The following TEX11 variants were observed in gnomAD, a reference collection of about 807,000 sequenced individuals.
TEX11 encodes testis-expressed protein 11.
Under a neutral mutation model 84.4 loss-of-function variants are expected in TEX11, and 7 were observed. That is an observed-to-expected ratio of 0.08 (90% CI 0.05 to 0.16). The LOEUF (loss-of-function observed/expected upper bound fraction) is 0.16, where lower values mean the gene tolerates loss of function less well. Among genes scored for constraint, TEX11 ranks in the 10% least tolerant of loss-of-function variants. The pLI is 1.00. For missense variants in TEX11, 551 were observed against 660.5 expected, an observed-to-expected ratio of 0.83 and a Z score of 1.82; for synonymous variants, 264 against 222.8, an observed-to-expected ratio of 1.18 and a Z score of -1.64.
intron 11 of TEX11, among the ~76,000 whole-genome samples, chrX:70,733,797 T>C (rs2090673852): frequency 9.0e-6 from 1 of 111,670 alleles, no homozygotes; most frequent in East Asian, 2.8e-4. Context: ...AGCCATCCCA[T>C]TACTGGGTAT....
intron 13 of TEX11, among the ~76,000 whole-genome samples, chrX:70,708,169 T>C (rs2090393667): frequency 9.0e-6 from 1 of 110,886 alleles, no homozygotes; most frequent in Admixed American, 9.6e-5. Flanking sequence ...AAAGAAGATA[T>C]ACAAGCTGCC....
At chrX:70,564,911 T>A (rs2088437715) in intron 25 of TEX11, among the ~76,000 whole-genome samples, 4 of 109,909 alleles carry the variant, frequency 3.6e-5, no homozygotes, top group Admixed American at 2.9e-4. Context: ...GTCCTTTGGG[T>A]ATATACCCAG....
chrX:70,811,382 T>A (rs933062644), intron 8 of TEX11, among the ~76,000 whole-genome samples: 3 of 112,034 alleles, frequency 2.7e-5, no homozygotes, highest in Non-Finnish European at 5.6e-5. Flanking sequence ...TGCATAGTAT[T>A]TCATGGTGTA....
intron 20 of TEX11, among the ~76,000 whole-genome samples, chrX:70,621,561 TATATATATATATATATAA>T (rs1175370460): frequency 2.5e-5 from 1 of 40,363 alleles, no homozygotes; most frequent in African/African-American, 8.5e-5. Flanking sequence ...AATATATATA[TATATATATATATATATAA>T]ATAAAAATAA....
At chrX:70,548,358 T>C in intron 28 of TEX11, among the ~76,000 whole-genome samples, 2 of 110,235 alleles carry the variant, frequency 1.8e-5, no homozygotes, top group Middle Eastern at 4.7e-3. Context: ...ACATGGCACA[T>C]GTATACATAT....
At chrX:70,718,656 C>G (rs1446601079) in intron 13 of TEX11, among the ~76,000 whole-genome samples, 2 of 111,892 alleles carry the variant, frequency 1.8e-5, no homozygotes, top group African/African-American at 6.5e-5. Context: ...GACATAAATG[C>G]TGCACTACAT....
rs757760270 is a variant in TEX11, at chrX:70,554,675, T to C, written c.2266A>G (p.Thr756Ala). 1.2e-5 allele frequency: 14 copies of C among 1,200,841 alleles called. No homozygotes were observed. The highest frequency in any genetic ancestry group is 1.6e-5 in the Non-Finnish European group (14 of 891,341). ...ESVWELPHLE[T>A]KTFETIAIIA... The stretch of plus-strand genomic sequence containing the variant: ...CTTGCAATTGTTTCAAAAGTTTTAG[T>C]TTCTAAATGAGGCAACTCCCACACT... The change falls in exon 26 of 30, where the codon ACT becomes GCT. Residue 756 changes from threonine (T) to alanine (A), a missense_variant. Physicochemically the swap from Thr to Ala is moderately conservative, Grantham distance 58 (BLOSUM62 0). Coordinates refer to ENST00000374333, the MANE Select transcript of TEX11 (RefSeq NM_031276.3).
chrX:70,667,361 C>A (rs2089984527), intron 16 of TEX11, among the ~76,000 whole-genome samples: 1 of 111,803 alleles, frequency 8.9e-6, no homozygotes, highest in African/African-American at 3.3e-5. Flanking sequence ...TTGTTTGCCT[C>A]TCCTAGTGGA....
At chrX:70,603,546 A>G (rs2147518872) in intron 24 of TEX11, among the ~76,000 whole-genome samples, 1 of 107,904 alleles carries the variant, frequency 9.3e-6, no homozygotes. Flanking sequence ...TTATACAAAA[A>G]TCAATTCAAG....
chrX:70,806,025 C>T (rs2091216945), intron 9 of TEX11, among the ~76,000 whole-genome samples: 2 of 111,898 alleles, frequency 1.8e-5, no homozygotes, highest in African/African-American at 3.2e-5. Context: ...CAATACTACT[C>T]CCAATCACAC....
chrX:70,755,101 C>T lies in TEX11; in HGVS notation c.693-10882G>A, dbSNP rs571207014. Among the ~76,000 whole-genome samples the T allele has an allele frequency of 1.6e-4, 18 of 111,742 alleles. No homozygotes were observed. The East Asian group carries it at 4.8e-3, about 30-fold the overall frequency. ...AACATCTACAAGTATCAAGACAATC[C>T]GGGAATACATGGCCACATCAAGTAA... On this transcript the variant is annotated intron_variant, in intron 9 of 29. Coordinates refer to ENST00000374333, the MANE Select transcript of TEX11 (RefSeq NM_031276.3).
chrX:70,560,971 A>G (rs1353870849), intron 25 of TEX11, among the ~76,000 whole-genome samples: 2 of 85,526 alleles, frequency 2.3e-5, no homozygotes, highest in Non-Finnish European at 4.2e-5. Flanking sequence ...CCATACTTGA[A>G]CTCCTGGGCT....
chrX:70,598,241 T>C (rs1207194845), intron 24 of TEX11, among the ~76,000 whole-genome samples: 16 of 112,270 alleles, frequency 1.4e-4, no homozygotes, highest in African/African-American at 5.2e-4. Context: ...GATATACAAA[T>C]GGCCAATAAA....
At position 70,748,238 on chromosome X, in the gene TEX11, A is replaced by G. The variant is rs541502884; in HGVS notation, c.693-4019T>C. On this transcript the variant is annotated intron_variant, in intron 9 of 29. Transcript: ENST00000374333. ...ATAATCGACACATCCAAGAAGCTCAATGAAATTCAACAGGATAAGCATTAA... is the reference window on the plus strand; with the variant it reads ...ATAATCGACACATCCAAGAAGCTCAGTGAAATTCAACAGGATAAGCATTAA... 1.2e-4 allele frequency among the ~76,000 whole-genome samples: 13 copies of G among 111,759 alleles called. No homozygotes were observed. The South Asian group carries it at 3.7e-3, about 32-fold the overall frequency.
intron 28 of TEX11, among the ~76,000 whole-genome samples, chrX:70,548,616 T>A (rs1247702468): frequency 3.6e-5 from 4 of 110,457 alleles, no homozygotes; most frequent in African/African-American, 1.3e-4. Context: ...GAGAGCACAG[T>A]GATTGTGGGA....
At chrX:70,849,226 T>C (rs1398654079) in intron 7 of TEX11, among the ~76,000 whole-genome samples, 2 of 112,099 alleles carry the variant, frequency 1.8e-5, no homozygotes, top group African/African-American at 6.5e-5. Flanking sequence ...TTAGAAAATG[T>C]ATTCATGACC....
chrX:70,867,741 T>C (rs1220291113), intron 4 of TEX11, among the ~76,000 whole-genome samples: 1 of 110,776 alleles, frequency 9.0e-6, no homozygotes, highest in African/African-American at 3.3e-5. Flanking sequence ...AACCATTCGA[T>C]CTTCAACAAA....
intron 12 of TEX11, 147 bp from the exon 13 acceptor site, chrX:70,722,843 T>C: frequency 6.4e-6 from 3 of 466,146 alleles, no homozygotes; most frequent in South Asian, 6.4e-5. Context: ...AATCTTCTTT[T>C]AAAGTATTAA....
intron 24 of TEX11, among the ~76,000 whole-genome samples, chrX:70,596,633 T>C (rs994947248): frequency 1.8e-5 from 2 of 110,649 alleles, no homozygotes; most frequent in Non-Finnish European, 3.8e-5. Context: ...TGCAGTTTAA[T>C]GCAGTTCTTG....
Sources: allele counts gnomAD v4.1 joint callset (sites outside exome capture counted in the v4.1 genomes callset), GRCh38; gene constraint gnomAD v4.1.1; transcripts MANE v1.5; gene names NCBI Gene and HGNC (gene_info 2026-07-23, HGNC 2026-07-21).